The following AGBL1 variants were observed in gnomAD, a reference collection of about 807,000 sequenced individuals.
AGBL1 encodes the protein cytosolic carboxypeptidase 4.
Under a neutral mutation model 118.9 loss-of-function variants are expected in AGBL1, and 130 were observed. The ratio of observed to expected loss-of-function variants is 1.09; its 90% CI spans 0.95 to 1.26. AGBL1 has a LOEUF of 1.26. Ranked by LOEUF, AGBL1 falls within the 50% of genes most tolerant of loss-of-function variation. The pLI, the probability that AGBL1 is intolerant of heterozygous loss-of-function variation, is 0.00. For missense variants in AGBL1, 1,584 were observed against 1,298.1 expected (o/e 1.22, Z -3.38); for synonymous variants, 555 against 478.9 (o/e 1.16, Z -2.08).
intron 17 of AGBL1, among the ~76,000 whole-genome samples, chr15:86,368,161 A>G (rs1411306706): frequency 1.3e-5 from 2 of 152,188 alleles, no homozygotes. Flanking sequence ...TAGCACCAAG[A>G]TGCCATAGCC....
intron 17 of AGBL1, among the ~76,000 whole-genome samples, chr15:86,358,299 T>C (rs2080753354): frequency 6.6e-6 from 1 of 152,162 alleles, no homozygotes; most frequent in African/African-American, 2.4e-5. Context: ...ATTCTGACTC[T>C]GGCTTATTTT....
chr15:86,226,173 G>A (rs1022542822), intron 6 of AGBL1, among the ~76,000 whole-genome samples: 9 of 152,308 alleles, frequency 5.9e-5, no homozygotes, highest in Middle Eastern at 3.4e-3. Context: ...AAGTGTTACT[G>A]TGGGTTCTGG....
At chr15:86,498,020 T>C (rs1434558206) in intron 18 of AGBL1, among the ~76,000 whole-genome samples, 1 of 151,952 alleles carries the variant, frequency 6.6e-6, no homozygotes, top group Non-Finnish European at 1.5e-5. Context: ...GGAGGTATAA[T>C]GAATGAGTGC....
chr15:86,674,427 A>C lies in AGBL1; in HGVS notation c.3149A>C (p.His1050Pro), dbSNP rs768902042. 13 of 1,606,096 alleles carry C rather than the reference A, an allele frequency of 8.1e-6. No homozygotes were observed. In the East Asian group the frequency reaches 2.9e-4, roughly 36 times the overall value. Reference protein sequence around the residue: ...LSAEEDALDQHLQRCSSSSGS... With the variant: ...LSAEEDALDQPLQRCSSSSGS... ...GCTGAGGAGGACGCTCTGGACCAGC[A>C]CCTCCAACGGTAAGATGCTCCCAAG... The change falls in exon 22 of 23, where the codon CAC (histidine) becomes CCC (proline). Residue 1050 changes from histidine to proline, a missense_variant. His to Pro is a moderately conservative substitution (Grantham distance 77). Transcript: ENST00000614907.
At chr15:86,548,212 T>C (rs1402148296) in intron 20 of AGBL1, among the ~76,000 whole-genome samples, 2 of 152,214 alleles carry the variant, frequency 1.3e-5, no homozygotes, top group East Asian at 1.9e-4. Flanking sequence ...TAGAGGCTGA[T>C]TCCTTCATTA....
chr15:86,534,945 TATC>T (rs1458990977), intron 19 of AGBL1, among the ~76,000 whole-genome samples: 1 of 152,182 alleles, frequency 6.6e-6, no homozygotes, highest in Non-Finnish European at 1.5e-5. Context: ...AGATGTTCAA[TATC>T]ATGATCAGAG....
intron 5 of AGBL1, among the ~76,000 whole-genome samples, chr15:86,164,495 G>T (rs1329958892): frequency 6.6e-6 from 1 of 152,176 alleles, no homozygotes; most frequent in Non-Finnish European, 1.5e-5. Flanking sequence ...TTCTGCGGGA[G>T]GCTGTCCCTT....
At chr15:86,548,434 A>G (rs1255560450) in intron 20 of AGBL1, among the ~76,000 whole-genome samples, 1 of 152,216 alleles carries the variant, frequency 6.6e-6, no homozygotes, top group Middle Eastern at 3.2e-3. Context: ...AAAACGCAGT[A>G]TAAAATAGAA....
At chr15:86,882,282 G>A (rs1004762985) in intron 22 of AGBL1, among the ~76,000 whole-genome samples, 1 of 152,132 alleles carries the variant, frequency 6.6e-6, no homozygotes, top group Non-Finnish European at 1.5e-5. Flanking sequence ...ACGTCCCATC[G>A]ATGTCATTTG....
At chr15:86,262,324 A>T (rs554963031) in intron 9 of AGBL1, among the ~76,000 whole-genome samples, 6 of 152,052 alleles carry the variant, frequency 3.9e-5, no homozygotes, top group Non-Finnish European at 7.4e-5. Context: ...TGTCTGTTCC[A>T]TTGTGACCGA....
chr15:86,680,337 C>CA lies in AGBL1; in HGVS notation c.3158+5903dup, dbSNP rs769976280. On this transcript the variant is annotated intron_variant, in intron 22 of 22. Transcript: ENST00000614907. ...AGCTTTTCTTTTTTAAAATGTAAAT[C>CA]AATGGAGTTTTTTGCATATTAATAC... 3.9e-5 allele frequency among the ~76,000 whole-genome samples: 6 copies of CA among 152,048 alleles called. No homozygotes were observed. The East Asian group carries it at 7.7e-4, about 20-fold the overall frequency.
chr15:86,118,100 T>C (rs1897872283), intron 1 of AGBL1, among the ~76,000 whole-genome samples: 1 of 152,226 alleles, frequency 6.6e-6, no homozygotes, highest in African/African-American at 2.4e-5. Flanking sequence ...CAATATAATG[T>C]TTCTACTCAG....
chr15:86,980,672 CACAAT>C (rs973947326), intron 23 of AGBL1, among the ~76,000 whole-genome samples: 1 of 152,108 alleles, frequency 6.6e-6, no homozygotes, highest in African/African-American at 2.4e-5. Context: ...ACTAGTCACA[CACAAT>C]ACAATATTGA....
intron 22 of AGBL1, among the ~76,000 whole-genome samples, chr15:86,810,162 T>C (rs1268569538): frequency 2.8e-4 from 43 of 152,142 alleles, no homozygotes; most frequent in Admixed American, 2.8e-3. Flanking sequence ...AGTCTTCCTT[T>C]CCTCGGGACT....
At chr15:86,725,180 C>A (rs2086800471) in intron 22 of AGBL1, among the ~76,000 whole-genome samples, 1 of 152,096 alleles carries the variant, frequency 6.6e-6, no homozygotes, top group Non-Finnish European at 1.5e-5. Context: ...TTTTAAATTT[C>A]CAATATATGA....
At chr15:86,448,010 T>A (rs1056981123) in intron 18 of AGBL1, among the ~76,000 whole-genome samples, 1 of 151,534 alleles carries the variant, frequency 6.6e-6, no homozygotes, top group Non-Finnish European at 1.5e-5. Context: ...CCGGGGGTGG[T>A]GGCACGGGCC....
At chr15:86,104,863 C>G (rs979674701) in intron 1 of AGBL1, among the ~76,000 whole-genome samples, 5 of 152,084 alleles carry the variant, frequency 3.3e-5, no homozygotes, top group Non-Finnish European at 2.9e-5. Context: ...TAGGTAGCTA[C>G]CTATGTTAGT....
intron 23 of AGBL1, among the ~76,000 whole-genome samples, chr15:86,984,324 C>T (rs890189613): frequency 8.1e-5 from 12 of 148,772 alleles, no homozygotes; most frequent in African/African-American, 2.5e-4. Context: ...CATATTTTGT[C>T]AATTTTTTCA....
intron 21 of AGBL1, among the ~76,000 whole-genome samples, chr15:86,599,908 G>C (rs538604653): frequency 1.3e-5 from 2 of 152,010 alleles, no homozygotes; most frequent in South Asian, 4.1e-4. Context: ...TTGATGTATA[G>C]AAGAATGTGC....
Sources: gnomAD v4.1 joint callset for allele counts (sites outside exome capture counted in the v4.1 genomes callset) on GRCh38, gnomAD v4.1.1 for gene constraint, MANE v1.5 for transcripts, NCBI Gene and HGNC (gene_info 2026-07-23, HGNC 2026-07-21) for gene names.